The following LRRTM4 variants were observed in gnomAD, a reference collection of about 807,000 sequenced individuals.
LRRTM4 encodes the protein leucine-rich repeat transmembrane neuronal protein 4.
LRRTM4 carries 25 observed loss-of-function variants against 47.6 expected under a neutral mutation model. The observed-to-expected ratio is 0.53, with a 90% CI of 0.38 to 0.73. LRRTM4 has a LOEUF of 0.73. LRRTM4 is among the 30% of genes least tolerant of loss of function. The pLI, the probability that LRRTM4 is intolerant of heterozygous loss-of-function variation, is 0.00. For missense variants in LRRTM4, 638 were observed against 713.4 expected (o/e 0.89, Z 1.20); for synonymous variants, 311 against 269.5 (o/e 1.15, Z -1.51).
chr2:76,945,061 T>C (rs1675278223), intron 3 of LRRTM4, among the ~76,000 whole-genome samples: 1 of 152,056 alleles, frequency 6.6e-6, no homozygotes, highest in Non-Finnish European at 1.5e-5. Flanking sequence ...TTAATTCAGC[T>C]TTAGGACAGG....
chr2:76,813,190 A>G lies in LRRTM4; in HGVS notation c.1552-64274T>C, dbSNP rs1022710340. On this transcript the variant is annotated intron_variant, in intron 3 of 3. Transcript: ENST00000409884. Reference sequence around the variant, plus strand: ...AAAAAAATAAAAATTCCTCAGCTCCACTAAAGGAGGAATACATGTATATGT... The same window carrying G: ...AAAAAAATAAAAATTCCTCAGCTCCGCTAAAGGAGGAATACATGTATATGT... Among the ~76,000 whole-genome samples, 5 of 152,242 alleles carry G rather than the reference A, an allele frequency of 3.3e-5. No homozygotes were observed. In the East Asian group the frequency reaches 9.7e-4, roughly 30 times the overall value.
intron 3 of LRRTM4, among the ~76,000 whole-genome samples, chr2:76,768,634 T>C (rs1409002712): frequency 6.6e-6 from 1 of 152,132 alleles, no homozygotes; most frequent in Non-Finnish European, 1.5e-5. Context: ...AGTTTATGAT[T>C]GTAAATTCAA....
chr2:76,856,738 T>A (rs1672163370), intron 3 of LRRTM4, among the ~76,000 whole-genome samples: 3 of 152,238 alleles, frequency 2.0e-5, no homozygotes, highest in East Asian at 3.9e-4. Flanking sequence ...CCCTTATATG[T>A]CATTAAGCTA....
intron 3 of LRRTM4, among the ~76,000 whole-genome samples, chr2:77,464,031 G>A (rs960326618): frequency 2.6e-5 from 4 of 152,114 alleles, no homozygotes; most frequent in Non-Finnish European, 5.9e-5. Context: ...AGGTGAATGA[G>A]TCTTAGAGAG....
chr2:77,103,380 T>G (rs762617239), intron 3 of LRRTM4, among the ~76,000 whole-genome samples: 30 of 152,140 alleles, frequency 2.0e-4, no homozygotes, highest in Non-Finnish European at 3.7e-4. Flanking sequence ...TTTCCATCTC[T>G]TTTGTCATAA....
chr2:76,982,883 TAAA>T (rs1003113653), intron 3 of LRRTM4, among the ~76,000 whole-genome samples: 1 of 151,964 alleles, frequency 6.6e-6, no homozygotes, highest in African/African-American at 2.4e-5. Context: ...CAATTTATAT[TAAA>T]AAAAATTCTT....
chr2:77,179,435 T>G (rs1171995542), intron 3 of LRRTM4, among the ~76,000 whole-genome samples: 1 of 152,178 alleles, frequency 6.6e-6, no homozygotes, highest in Admixed American at 6.5e-5. Flanking sequence ...CCTTGTGTGT[T>G]GCTTGGGCTT....
At chr2:77,167,003 A>G (rs1475047237) in intron 3 of LRRTM4, among the ~76,000 whole-genome samples, 1 of 152,170 alleles carries the variant, frequency 6.6e-6, no homozygotes, top group African/African-American at 2.4e-5. Flanking sequence ...GGAAACTACC[A>G]TCAGAGTGAA....
intron 3 of LRRTM4, among the ~76,000 whole-genome samples, chr2:76,866,630 T>C (rs913800804): frequency 6.6e-6 from 1 of 152,178 alleles, no homozygotes; most frequent in Non-Finnish European, 1.5e-5. Context: ...TAGGTAACTC[T>C]GTCTCCTTGC....
At chr2:77,196,151 G>T (rs963060054) in intron 3 of LRRTM4, among the ~76,000 whole-genome samples, 1 of 152,268 alleles carries the variant, frequency 6.6e-6, no homozygotes, top group South Asian at 2.1e-4. Flanking sequence ...GAAGTGAAGA[G>T]AAATTTATAT....
chr2:77,443,769 C>T (rs1675937543), intron 3 of LRRTM4, among the ~76,000 whole-genome samples: 1 of 151,938 alleles, frequency 6.6e-6, no homozygotes, highest in South Asian at 2.1e-4. Context: ...TGACAGCATC[C>T]CTAACATTGA....
chr2:77,356,581 A>T (rs1671976863), intron 3 of LRRTM4, among the ~76,000 whole-genome samples: 1 of 152,136 alleles, frequency 6.6e-6, no homozygotes, highest in Non-Finnish European at 1.5e-5. Flanking sequence ...TGTTTAGAGA[A>T]ATGCTGTTAA....
chr2:77,202,674 T>C (rs1674010185), intron 3 of LRRTM4, among the ~76,000 whole-genome samples: 1 of 152,050 alleles, frequency 6.6e-6, no homozygotes, highest in Non-Finnish European at 1.5e-5. Context: ...ACTAGATGAA[T>C]ATTACTGGAG....
At chr2:77,341,609 G>C (rs377001147) in intron 3 of LRRTM4, among the ~76,000 whole-genome samples, 1 of 152,038 alleles carries the variant, frequency 6.6e-6, no homozygotes, top group African/African-American at 2.4e-5. Flanking sequence ...GCGGTTTAGC[G>C]TAAGAGAATG....
At chr2:77,248,800 C>A (rs1043046336) in intron 3 of LRRTM4, among the ~76,000 whole-genome samples, 4 of 151,968 alleles carry the variant, frequency 2.6e-5, no homozygotes, top group Non-Finnish European at 4.4e-5. Flanking sequence ...TGGAGAAGAA[C>A]AATCTTTCCA....
At chr2:77,246,298 G>A (rs1024871505) in intron 3 of LRRTM4, among the ~76,000 whole-genome samples, 1 of 152,124 alleles carries the variant, frequency 6.6e-6, no homozygotes. Flanking sequence ...TACTTCACTA[G>A]CTTCACAGTG....
At chr2:76,774,634 G>A (rs527508131) in intron 3 of LRRTM4, among the ~76,000 whole-genome samples, 1 of 152,176 alleles carries the variant, frequency 6.6e-6, no homozygotes, top group Non-Finnish European at 1.5e-5. Flanking sequence ...AGGAAGGGTT[G>A]GTCTTGCTGT....
At chr2:77,416,354 T>A (rs1394935857) in intron 3 of LRRTM4, among the ~76,000 whole-genome samples, 1 of 152,052 alleles carries the variant, frequency 6.6e-6, no homozygotes, top group African/African-American at 2.4e-5. Flanking sequence ...TTGCAACAAA[T>A]ATTATTCTGT....
intron 3 of LRRTM4, among the ~76,000 whole-genome samples, chr2:76,792,539 T>C (rs1404221078): frequency 1.3e-5 from 2 of 151,822 alleles, no homozygotes; most frequent in Non-Finnish European, 2.9e-5. Flanking sequence ...TTCAATCATA[T>C]ACTGATGGCA....
Sources: gnomAD v4.1 joint callset for allele counts (sites outside exome capture counted in the v4.1 genomes callset) on GRCh38, gnomAD v4.1.1 for gene constraint, MANE v1.5 for transcripts, NCBI Gene and HGNC (gene_info 2026-07-23, HGNC 2026-07-21) for gene names.